Variants in MIA3 observed in about 807,000 individuals in gnomAD.
MIA3 encodes MIA SH3 domain ER export factor 3, also known as transport and Golgi organization protein 1 homolog.
Under a neutral mutation model 192.4 loss-of-function variants are expected in MIA3, and 90 were observed. That is an observed-to-expected ratio of 0.47 (90% CI 0.39 to 0.56). The LOEUF (loss-of-function observed/expected upper bound fraction) is 0.56, where lower values mean the gene tolerates loss of function less well. Among genes scored for constraint, MIA3 ranks in the 20% least tolerant of loss-of-function variants. The probability of loss-of-function intolerance (pLI) is 0.00; values close to 1 mark genes in which losing one functional copy is unlikely to be tolerated. For synonymous variants in MIA3, 740 were observed against 792.8 expected, an observed-to-expected ratio of 0.93 and a Z score of 1.12; for missense variants, 2,123 against 2,269.4, an observed-to-expected ratio of 0.94 and a Z score of 1.31.
chr1:222,642,213 C>T (rs564891818), intron 6 of MIA3, among the ~76,000 whole-genome samples: 3 of 152,068 alleles, frequency 2.0e-5, no homozygotes, highest in South Asian at 2.1e-4. Flanking sequence ...GTTTCACAGG[C>T]GTATTCATAT....
rs1288849474 is a variant in MIA3 at position 222,665,810 on chromosome 1, ACCTTTTAAG to A, written c.*193_*201del. The stretch of plus-strand genomic sequence containing the variant: ...GTCATTTCTTCCCTAAATAAAAATC[ACCTTTTAAG>A]CTAGAGCGTCCTTACAACTTTGAAA... On this transcript the variant is annotated 3_prime_UTR_variant, in exon 28 of 28. Coordinates refer to ENST00000344922, the MANE Select transcript of MIA3 (RefSeq NM_198551.4). 2.6e-5 allele frequency: 12 copies of A among 457,956 alleles called. No individual in the cohort carries two copies. The highest frequency in any genetic ancestry group is 2.2e-5 in the Non-Finnish European group (6 of 269,296). The allele number at this position is 457,956 out of a possible 1,614,324, so 28.4% of individuals were successfully genotyped here. A position where few individuals can be genotyped will look rare whatever the true frequency, so the allele number is the denominator to read the frequency against.
rs896046030 is a variant in MIA3 at position 222,652,286 on chromosome 1, A to G, written c.4040A>G (p.His1347Arg). Residue 1347 changes from histidine (H) to arginine (R), a missense_variant, in exon 13 of 28, where the codon CAT becomes CGT. This residue lies in a region of MIA3 where 762 missense variants were observed against 856.4 expected (regional missense o/e 0.89). Coordinates refer to ENST00000344922, the MANE Select transcript of MIA3 (RefSeq NM_198551.4). ...GAAGAGAAGGTGAAGTCTGAATGCC[A>G]TCGGGTTCAAGAAGAAAATGCTAGG... ...LSEEKVKSEC[H>R]RVQEENARLK... The G allele has an allele frequency of 6.2e-7, 1 of 1,613,994 alleles. No individual in the cohort carries two copies. The highest frequency in any genetic ancestry group is 8.5e-7 in the Non-Finnish European group (1 of 1,179,896).
rs754162483 is a variant in MIA3 at position 222,645,551 on chromosome 1, C to T, written c.3478-3C>T. The T allele has an allele frequency of 6.2e-7, 1 of 1,602,138 alleles. No individual in the cohort carries two copies. Among genetic ancestry groups the T allele is most frequent in the Non-Finnish European group, 8.5e-7 (1 of 1,173,426 alleles). On this transcript the variant is annotated splice_polypyrimidine_tract_variant and splice_region_variant and intron_variant, in intron 6 of 27. Coordinates refer to ENST00000344922, the MANE Select transcript of MIA3 (RefSeq NM_198551.4). ...TATTTCTAACATTATTTCTAACATT[C>T]AGCTAGTTGCTACATTGCCTGATGA... is the stretch of plus-strand genomic sequence containing the variant.
intron 26 of MIA3, among the ~76,000 whole-genome samples, chr1:222,663,580 G>A (rs1201313092): frequency 2.0e-5 from 3 of 152,142 alleles, no homozygotes; most frequent in Non-Finnish European, 4.4e-5. Context: ...CTGAATAATC[G>A]CTGTTACATG....
At chr1:222,660,922 A>G (rs1663976405) in intron 24 of MIA3, 1 of 152,676 alleles carries the variant, frequency 6.5e-6, no homozygotes, top group Admixed American at 6.5e-5. Context: ...AAGTAAACAC[A>G]TGTAAAGATG....
At chr1:222,665,236 A>G in intron 27 of MIA3, 73 bp from the exon 28 acceptor site, 1 of 961,092 alleles carries the variant, frequency 1.0e-6, no homozygotes, top group East Asian at 2.4e-5. Context: ...GACAGACTAT[A>G]TTAACATACC....
At position 222,662,296 on chromosome 1, in the gene MIA3, A is replaced by G. The variant is rs781332127; in HGVS notation, c.5226A>G (p.Arg1742=). ...CTACCATGATGAACAGCAGCTCAAG[A>G]GGCTCTTCCCCTACCAGGGTACTCG... ...GTATMMNSSS[R]GSSPTRVLDE... The change falls in exon 26 of 28, where the codon AGA becomes AGG. Residue 1742 remains arginine, a synonymous_variant. Coordinates refer to ENST00000344922, the MANE Select transcript of MIA3 (RefSeq NM_198551.4). 2 of 1,614,020 alleles carry G rather than the reference A, an allele frequency of 1.2e-6. No homozygotes were observed. The highest frequency in any genetic ancestry group is 2.2e-5 in the South Asian group (2 of 91,080).
chr1:222,653,349 G>C lies in MIA3; in HGVS notation c.4321+10G>C. The C allele has an allele frequency of 6.3e-7, 1 of 1,588,770 alleles. No individual in the cohort carries two copies. Among genetic ancestry groups the C allele is most frequent in the Non-Finnish European group, 8.6e-7 (1 of 1,158,676 alleles). The stretch of plus-strand genomic sequence containing the variant: ...AATGGAGAAGTGGGAGGTAAGATCA[G>C]CCTCAAGGAGGATGGACCCCTTTTG... On this transcript the variant is annotated intron_variant, in intron 15 of 27. Coordinates refer to ENST00000344922, the MANE Select transcript of MIA3 (RefSeq NM_198551.4).
At position 222,665,340 on chromosome 1, in the gene MIA3, A is replaced by G. The variant is rs373928038; in HGVS notation, c.5445A>G (p.Arg1815=). 8.4e-5 allele frequency: 136 copies of G among 1,613,536 alleles called. No individual in the cohort carries two copies. The highest frequency in any genetic ancestry group is 7.0e-4 in the Admixed American group (42 of 59,958). ...GTATGCGTCCACCACTAGGCTTAAGAGAATTTGCACCAGGCGTTCCACCAG... is the reference window on the plus strand; with the variant it reads ...GTATGCGTCCACCACTAGGCTTAAGGGAATTTGCACCAGGCGTTCCACCAG... The part of the protein sequence containing the change: ...GPGMRPPLGL[R]EFAPGVPPGR... The change falls in exon 28 of 28, where the codon AGA becomes AGG. Residue 1815 remains arginine, a synonymous_variant. Coordinates refer to ENST00000344922, the MANE Select transcript of MIA3 (RefSeq NM_198551.4).
rs1662275689 is a variant in MIA3, at chr1:222,629,221, C to T, written c.2001C>T (p.Ala667=). The change falls in exon 4 of 28, where the codon GCC becomes GCT. Residue 667 remains alanine, a synonymous_variant. Transcript: ENST00000344922. ...WQQERDVAAT[A]SKQMSEKIRL... is the part of the protein sequence containing the mutation. ...AAGAAAGAGATGTGGCTGCCACAGC[C>T]AGTAAGCAAATGAGTGAGAAGATAA... The T allele has an allele frequency of 6.2e-7, 1 of 1,614,112 alleles. No individual in the cohort carries two copies. Among genetic ancestry groups the T allele is most frequent in the South Asian group, 1.1e-5 (1 of 91,080 alleles).
chr1:222,641,907 A>G (rs538314858), intron 6 of MIA3: 51 of 434,862 alleles, frequency 1.2e-4, no homozygotes, highest in African/African-American at 9.4e-4. Flanking sequence ...ATATCTATCT[A>G]TAGATGACAG....
chr1:222,661,767 A>T (rs528020800), intron 24 of MIA3, among the ~76,000 whole-genome samples: 2 of 152,338 alleles, frequency 1.3e-5, no homozygotes, highest in South Asian at 2.1e-4. Context: ...GTCAGATTAC[A>T]TATACACTGA....
Position 222,666,326 on chromosome 1 carries a change from T to C in MIA3, c.*707T>C, listed in dbSNP as rs1664285182. ...TTCAAAGAAGTTTATTTCCCACTTG[T>C]ATAGCATTCACATGCTTTCTTTACG... On this transcript the variant is annotated 3_prime_UTR_variant, in exon 28 of 28. Coordinates refer to ENST00000344922, the MANE Select transcript of MIA3 (RefSeq NM_198551.4). 6.6e-6 allele frequency: 1 copy of C among 152,194 alleles called. No homozygotes were observed. Among genetic ancestry groups the C allele is most frequent in the South Asian group, 2.1e-4 (1 of 4,826 alleles). 9.4% of individuals were successfully genotyped at this position (152,194 alleles called of 1,614,324 possible).
At chr1:222,620,469 G>A (rs1266087989) in intron 1 of MIA3, among the ~76,000 whole-genome samples, 1 of 152,122 alleles carries the variant, frequency 6.6e-6, no homozygotes, top group Non-Finnish European at 1.5e-5. Context: ...ACTTAATTTT[G>A]GATACAGTCA....
intron 1 of MIA3, among the ~76,000 whole-genome samples, chr1:222,619,786 G>T (rs1282351912): frequency 6.6e-6 from 1 of 152,200 alleles, no homozygotes; most frequent in Non-Finnish European, 1.5e-5. Flanking sequence ...TACGTGTTCA[G>T]AGGAAACCAA....
intron 18 of MIA3, among the ~76,000 whole-genome samples, chr1:222,657,440 G>T (rs1001146331): frequency 1.3e-5 from 2 of 152,162 alleles, no homozygotes; most frequent in Admixed American, 6.5e-5. Flanking sequence ...GAACCTGGGG[G>T]GAAATGGCTT....
chr1:222,658,138 T>C (rs542502676), intron 18 of MIA3, among the ~76,000 whole-genome samples: 292 of 152,352 alleles, frequency 1.9e-3, no homozygotes, highest in African/African-American at 6.7e-3. Context: ...TCAACAGACA[T>C]TGCCAGTACT....
chr1:222,628,329 C>A lies in MIA3; in HGVS notation c.1109C>A (p.Pro370His), dbSNP rs777873643. The A allele has an allele frequency of 6.2e-7, 1 of 1,613,460 alleles. No individual in the cohort carries two copies. ...GACAAGGTTCAGCTAACTGTGCCCC[C>A]TGGCATCAAAAATGATGATAAAAAT... is the stretch of plus-strand genomic sequence containing the variant. Reference protein sequence around the residue: ...EEDKVQLTVPPGIKNDDKNIL... With the variant: ...EEDKVQLTVPHGIKNDDKNIL... Residue 370 changes from proline to histidine, a missense_variant, in exon 4 of 28, where the codon CCT becomes CAT. This residue lies in a region of MIA3 where 1,357 missense variants were observed against 1,396.1 expected (regional missense o/e 0.97). Transcript: ENST00000344922.
Position 222,628,627 on chromosome 1 carries a change from G to A in MIA3, c.1407G>A (p.Arg469=). 1 of 1,613,904 alleles carries A rather than the reference G, an allele frequency of 6.2e-7. No homozygotes were observed. The highest frequency in any genetic ancestry group is 8.5e-7 in the Non-Finnish European group (1 of 1,179,946). ...AACATCACATTAAAGGAAAAGGGAG[G>A]GGAGTTCAGGAATCCAAGAGGGGCC... The part of the protein sequence containing the change: ...NAEHHIKGKG[R]GVQESKRGLV... Residue 469 remains arginine, a synonymous_variant, in exon 4 of 28, where the codon AGG becomes AGA. Transcript: ENST00000344922.
Sources: allele counts gnomAD v4.1 joint callset (sites outside exome capture counted in the v4.1 genomes callset), GRCh38; gene constraint gnomAD v4.1.1; regional missense constraint gnomAD v4.1.1; transcripts MANE v1.5; gene names NCBI Gene and HGNC (gene_info 2026-07-23, HGNC 2026-07-21).